The following FOXP1 variants were observed in gnomAD, a reference collection of about 807,000 sequenced individuals.
FOXP1 encodes the protein forkhead box P1.
In FOXP1, 15 loss-of-function variants were observed where a neutral mutation model predicts 98.2. The observed-to-expected ratio is 0.15, with a 90% confidence interval of 0.10 to 0.24. The LOEUF is 0.24. FOXP1 is among the 10% of genes least tolerant of loss of function. FOXP1 has a pLI of 1.00. For synonymous variants in FOXP1, 371 were observed against 314.5 expected (o/e 1.18, Z -1.90); for missense variants, 633 against 848.5 (o/e 0.75, Z 3.15).
intron 11 of FOXP1, among the ~76,000 whole-genome samples, chr3:71,015,957 G>C (rs547569419): frequency 5.9e-5 from 9 of 152,214 alleles, no homozygotes; most frequent in African/African-American, 1.9e-4. Context: ...TCTTTAAAAA[G>C]CTAGAACTTA....
chr3:71,019,833 T>TC lies in FOXP1; in HGVS notation c.870-4181dup, dbSNP rs79746889. Among the ~76,000 whole-genome samples the TC allele has an allele frequency of 4.2e-3, 617 of 147,286 alleles. 2 individuals carry two copies. The highest frequency in any genetic ancestry group is 6.1e-3 in the Non-Finnish European group (408 of 66,374). ...CGACAGATGACAGAGCGAGACACGG[T>TC]CCCCCCCCCAAAAAAAACAAAACAA... is the stretch of plus-strand genomic sequence containing the variant. On this transcript the variant is annotated intron_variant, in intron 11 of 20. Transcript: ENST00000649528.
rs796912237 is a variant in FOXP1 at position 71,396,914 on chromosome 3, G to A, written c.-167-37670C>T. Reference sequence around the variant, plus strand: ...TATGAGTCATAAGGAACATATATATGTGTGTATATATATATATATACACAT... The same window carrying A: ...TATGAGTCATAAGGAACATATATATATGTGTATATATATATATATACACAT... On this transcript the variant is annotated intron_variant, in intron 3 of 20. Coordinates refer to ENST00000649528, the MANE Select transcript of FOXP1 (RefSeq NM_001349338.3). 2.3e-3 allele frequency among the ~76,000 whole-genome samples: 97 copies of A among 41,966 alleles called. 12 individuals are homozygous for A. Among genetic ancestry groups the A allele is most frequent in the South Asian group, 0.01 (18 of 1,786 alleles). 27.5% of individuals were successfully genotyped at this position (41,966 alleles called of 152,430 possible).
rs187229343 is a variant in FOXP1 at position 71,205,695 on chromosome 3, C to T, written c.-11-7303G>A. 9.8e-5 allele frequency among the ~76,000 whole-genome samples: 15 copies of T among 152,292 alleles called. No individual in the cohort carries two copies. The East Asian group carries it at 2.1e-3, about 22-fold the overall frequency. ...GCACCCCTCCTAGAGAACACAGCATCTGTGTCCAAACGGCGCCACTGACCT... is the reference window on the plus strand; with the variant it reads ...GCACCCCTCCTAGAGAACACAGCATTTGTGTCCAAACGGCGCCACTGACCT... On this transcript the variant is annotated intron_variant, in intron 5 of 20. Transcript: ENST00000649528.
At chr3:71,413,290 A>ACACACCCACC (rs371166757) in intron 3 of FOXP1, among the ~76,000 whole-genome samples, 1 of 138,526 alleles carries the variant, frequency 7.2e-6, no homozygotes, top group African/African-American at 2.7e-5. Context: ...ACACACACAC[A>ACACACCCACC]CCCAAAACAG....
intron 4 of FOXP1, among the ~76,000 whole-genome samples, chr3:71,307,222 G>A (rs2074343983): frequency 6.6e-6 from 1 of 152,188 alleles, no homozygotes; most frequent in South Asian, 2.1e-4. Context: ...AAAAGGATAG[G>A]TCACAGATCC....
chr3:71,452,610 G>C (rs868567936), intron 3 of FOXP1, among the ~76,000 whole-genome samples: 1 of 152,192 alleles, frequency 6.6e-6, no homozygotes, highest in Non-Finnish European at 1.5e-5. Flanking sequence ...AACTTGGAGG[G>C]ACAAGGCATA....
rs1553884450 is a variant in FOXP1 at position 71,438,742 on chromosome 3, G to GGAA, written c.-168+54683_-168+54684insTTC. ...TAGGGAGGTTTCAGTCTAATTTGGA[G>GGAA]AAAAAAAAAAAAAACCAGTCTCCAT... On this transcript the variant is annotated intron_variant, in intron 3 of 20. Coordinates refer to ENST00000649528, the MANE Select transcript of FOXP1 (RefSeq NM_001349338.3). Among the ~76,000 whole-genome samples the GGAA allele has an allele frequency of 1.1e-3, 137 of 125,898 alleles. 1 individual carries two copies. The highest frequency in any genetic ancestry group is 3.8e-3 in the African/African-American group (132 of 34,990). 82.6% of individuals were successfully genotyped at this position (125,898 alleles called of 152,430 possible). A position where few individuals can be genotyped will look rare whatever the true frequency, so the allele number is the denominator to read the frequency against.
Position 71,417,973 on chromosome 3 carries a change from G to GT in FOXP1, c.-167-58730dup, listed in dbSNP as rs5850011. Among the ~76,000 whole-genome samples the GT allele has an allele frequency of 4.1e-3, 598 of 146,468 alleles. 4 individuals are homozygous for GT. The highest frequency in any genetic ancestry group is 0.012 in the African/African-American group (466 of 39,936). ...TGTGGTCTGTTGCACTGTTATCCTAGTTTTTTTTTTTTCCTTCTTCCTTCC... is the reference window on the plus strand; with the variant it reads ...TGTGGTCTGTTGCACTGTTATCCTAGTTTTTTTTTTTTTCCTTCTTCCTTCC... On this transcript the variant is annotated intron_variant, in intron 3 of 20. Transcript: ENST00000649528.
At chr3:71,185,295 G>A (rs1274801120) in intron 6 of FOXP1, among the ~76,000 whole-genome samples, 1 of 152,094 alleles carries the variant, frequency 6.6e-6, no homozygotes, top group Non-Finnish European at 1.5e-5. Flanking sequence ...AATCAAGAAA[G>A]TAAGAAGGGA....
intron 3 of FOXP1, among the ~76,000 whole-genome samples, chr3:71,407,711 G>A (rs1406668469): frequency 6.6e-6 from 1 of 151,684 alleles, no homozygotes; most frequent in Non-Finnish European, 1.5e-5. Context: ...CCATGTCTTT[G>A]ATGCCGTGAA....
intron 4 of FOXP1, among the ~76,000 whole-genome samples, chr3:71,328,730 T>C (rs556432889): frequency 6.6e-5 from 10 of 152,086 alleles, no homozygotes; most frequent in Non-Finnish European, 1.2e-4. Context: ...CCCAGCACTT[T>C]AGGAGGCTGA....
chr3:71,097,277 A>T (rs897382384), intron 7 of FOXP1, among the ~76,000 whole-genome samples: 3 of 152,198 alleles, frequency 2.0e-5, no homozygotes, highest in Admixed American at 6.5e-5. Context: ...AAATTATGTG[A>T]AATTTATACT....
chr3:71,291,472 G>A (rs2072738964), intron 5 of FOXP1, among the ~76,000 whole-genome samples: 1 of 152,188 alleles, frequency 6.6e-6, no homozygotes. Flanking sequence ...GCTCCAGGTA[G>A]CTAGTGGCTC....
intron 5 of FOXP1, among the ~76,000 whole-genome samples, chr3:71,211,955 C>T (rs1041898694): frequency 1.3e-5 from 2 of 152,158 alleles, no homozygotes; most frequent in Non-Finnish European, 2.9e-5. Context: ...GTATGTAACC[C>T]TTTGTAGGTG....
At chr3:71,285,655 A>G (rs951621512) in intron 5 of FOXP1, among the ~76,000 whole-genome samples, 1 of 152,128 alleles carries the variant, frequency 6.6e-6, no homozygotes, top group Non-Finnish European at 1.5e-5. Context: ...AAAATAATAC[A>G]CCTTGGTTTT....
chr3:71,081,544 C>T (rs546490846), intron 7 of FOXP1, among the ~76,000 whole-genome samples: 12 of 152,160 alleles, frequency 7.9e-5, no homozygotes, highest in African/African-American at 1.7e-4. Flanking sequence ...CATTGCTTCA[C>T]GCCACCAGAC....
chr3:71,334,902 T>G (rs1307106200), intron 4 of FOXP1: 1 of 151,724 alleles, frequency 6.6e-6, no homozygotes, highest in African/African-American at 2.4e-5. Context: ...AGGGTTAGAG[T>G]TAAAAGGGGG....
chr3:71,524,137 C>A (rs779118549), intron 2 of FOXP1, among the ~76,000 whole-genome samples: 4 of 152,144 alleles, frequency 2.6e-5, no homozygotes, highest in Non-Finnish European at 5.9e-5. Context: ...TGCTGAATGG[C>A]CCCAACAAAT....
chr3:71,419,891 T>C (rs1305936270), intron 3 of FOXP1, among the ~76,000 whole-genome samples: 1 of 152,104 alleles, frequency 6.6e-6, no homozygotes, highest in Non-Finnish European at 1.5e-5. Flanking sequence ...CTCGGCTCGC[T>C]GCAACCTCCG....
Sources: gnomAD v4.1 joint callset for allele counts (sites outside exome capture counted in the v4.1 genomes callset) on GRCh38, gnomAD v4.1.1 for gene constraint, MANE v1.5 for transcripts, NCBI Gene and HGNC (gene_info 2026-07-23, HGNC 2026-07-21) for gene names.